Variants in COL4A1 observed in about 807,000 individuals in gnomAD.
The protein encoded by COL4A1 is collagen alpha-1(IV) chain.
Under a neutral mutation model 216.6 loss-of-function variants are expected in COL4A1, and 40 were observed. The observed-to-expected ratio is 0.18, with a 90% CI of 0.14 to 0.24. COL4A1 has a LOEUF of 0.24. Ranked by LOEUF, COL4A1 falls within the 10% of genes least tolerant of loss-of-function variation. COL4A1 has a pLI of 1.00. For missense variants in COL4A1, 1,628 were observed against 2,196.8 expected (o/e 0.74, Z 5.18); for synonymous variants, 839 against 810.7 (o/e 1.03, Z -0.59).
chr13:110,189,609 G>T (rs555589903), intron 24 of COL4A1, among the ~76,000 whole-genome samples: 1 of 152,308 alleles, frequency 6.6e-6, no homozygotes, highest in African/African-American at 2.4e-5. Flanking sequence ...ATTTCTATGA[G>T]CCACCTGCCA....
At chr13:110,157,210 C>T (rs138570538) in intron 49 of COL4A1, among the ~76,000 whole-genome samples, 1 of 152,334 alleles carries the variant, frequency 6.6e-6, no homozygotes, top group East Asian at 1.9e-4. Flanking sequence ...AACGAAAATG[C>T]AGTTCTCCTT....
chr13:110,185,511 C>T (rs1878360612), intron 26 of COL4A1, among the ~76,000 whole-genome samples: 1 of 152,172 alleles, frequency 6.6e-6, no homozygotes, highest in Non-Finnish European at 1.5e-5. Context: ...CACCTTAAGT[C>T]CTTTCACTCA....
Position 110,307,122 on chromosome 13 carries a change from C to A in COL4A1, c.-95G>T, listed in dbSNP as rs1028303780. ...GGAAGGCCGGACTTCCAGCGCTACG[C>A]ACCGTCCCGGGTGCGGCGGCTCCAA... On this transcript the variant is annotated 5_prime_UTR_variant, in exon 1 of 52. Transcript: ENST00000375820. This position sits in a 1 kb window ranked among gnomAD's most constrained non-coding sequence, Gnocchi z 5.0. 1.9e-6 allele frequency: 2 copies of A among 1,026,678 alleles called. No individual in the cohort carries two copies. The highest frequency in any genetic ancestry group is 1.7e-5 in the African/African-American group (1 of 59,316). 63.6% of individuals were successfully genotyped at this position (1,026,678 alleles called of 1,614,324 possible).
chr13:110,256,100 ATACC>A (rs528358048), intron 1 of COL4A1, among the ~76,000 whole-genome samples: 9 of 151,444 alleles, frequency 5.9e-5, no homozygotes, highest in East Asian at 3.9e-4. Flanking sequence ...CTATTAAATC[ATACC>A]TAACTGTTTT....
intron 25 of COL4A1, 74 bp from the exon 26 acceptor site, chr13:110,186,627 C>G: frequency 6.4e-7 from 1 of 1,565,110 alleles, no homozygotes; most frequent in Non-Finnish European, 8.7e-7. Flanking sequence ...ATTCTTCTGA[C>G]ATTTGTGGTC....
At chr13:110,189,142 C>A (rs949580034) in intron 24 of COL4A1, among the ~76,000 whole-genome samples, 24 of 152,250 alleles carry the variant, frequency 1.6e-4, no homozygotes, top group Admixed American at 3.9e-4. Flanking sequence ...CGGCTCACCG[C>A]AACCTCCGCC....
At position 110,161,203 on chromosome 13, in the gene COL4A1, T is replaced by A. The variant is rs1877067916; in HGVS notation, c.4629A>T (p.Pro1543=). ...GATGCTCGACTCACCTACTAATAAA[T>A]GGTCTTATGTTTTCCCCCGTGATGG... is the stretch of plus-strand genomic sequence containing the variant. ...MAPITGENIR[P]FISRCAVCEA... is the part of the protein sequence containing the mutation. The change falls in exon 49 of 52, where the codon CCA becomes CCT. Residue 1543 remains proline (P), a synonymous_variant. Coordinates refer to ENST00000375820, the MANE Select transcript of COL4A1 (RefSeq NM_001845.6). 1 of 1,614,218 alleles carries A rather than the reference T, an allele frequency of 6.2e-7. No individual in the cohort carries two copies. The highest frequency in any genetic ancestry group is 2.2e-5 in the East Asian group (1 of 44,890).
intron 27 of COL4A1, 35 bp from the exon 28 acceptor site, chr13:110,183,132 A>C (rs753546064): frequency 6.2e-7 from 1 of 1,612,270 alleles, no homozygotes; most frequent in Non-Finnish European, 8.5e-7. Context: ...AGCGTGAGAA[A>C]AACGTGAGGA....
At position 110,247,824 on chromosome 13, in the gene COL4A1, TGTGTGTGTGTGG is replaced by T. The variant is rs1235787838; in HGVS notation, c.85-5102_85-5091del. 5.7e-3 allele frequency among the ~76,000 whole-genome samples: 678 copies of T among 119,848 alleles called. 8 individuals carry two copies. The highest frequency in any genetic ancestry group is 0.014 in the South Asian group (46 of 3,222). The allele number at this position is 119,848 out of a possible 152,430, so 78.6% of individuals were successfully genotyped here. On this transcript the variant is annotated intron_variant, in intron 1 of 51. Transcript: ENST00000375820. Reference sequence around the variant, plus strand: ...GTGTGTGTGTGTGTGTGTGTGTGTGTGTGTGTGTGTGGCAGAGAGAGAGGGAGGGAGGGAGGG... The same window carrying T: ...GTGTGTGTGTGTGTGTGTGTGTGTGTCAGAGAGAGAGGGAGGGAGGGAGGG...
In COL4A1 at chr13:110,161,189, C is replaced by A. The variant is rs770167198; in HGVS notation, c.4640+3G>T. ...CATTTGTTCCTACAGATGCTCGACT[C>A]ACCTACTAATAAATGGTCTTATGTT... is the stretch of plus-strand genomic sequence containing the variant. On this transcript the variant is annotated splice_donor_region_variant and intron_variant, in intron 49 of 51. Coordinates refer to ENST00000375820, the MANE Select transcript of COL4A1 (RefSeq NM_001845.6). 2.6e-5 allele frequency: 42 copies of A among 1,614,008 alleles called. No homozygotes were observed. Among genetic ancestry groups the A allele is most frequent in the Non-Finnish European group, 3.2e-5 (38 of 1,179,986 alleles).
chr13:110,219,745 CATATGTGTATATAT>C (rs1415294160), intron 2 of COL4A1, among the ~76,000 whole-genome samples: 17 of 117,586 alleles, frequency 1.4e-4, no homozygotes, highest in Non-Finnish European at 1.1e-4. Context: ...TATGTATATA[CATATGTGTATATAT>C]GCGTATATAT....
chr13:110,214,986 C>T (rs532879578), intron 2 of COL4A1, among the ~76,000 whole-genome samples: 203 of 152,320 alleles, frequency 1.3e-3, no homozygotes, highest in African/African-American at 4.7e-3. Context: ...TTTATATGTA[C>T]TTAATGCCAA....
chr13:110,255,927 G>A (rs1326101886), intron 1 of COL4A1, among the ~76,000 whole-genome samples: 2 of 142,580 alleles, frequency 1.4e-5, no homozygotes, highest in African/African-American at 2.6e-5. Context: ...AAGGGAGGGG[G>A]AAGGAGGCAG....
intron 1 of COL4A1, among the ~76,000 whole-genome samples, chr13:110,301,630 G>C (rs561251089): frequency 6.6e-6 from 1 of 152,170 alleles, no homozygotes; most frequent in Non-Finnish European, 1.5e-5. Flanking sequence ...ACTCTGACTC[G>C]AGAGGGGATC....
At position 110,150,786 on chromosome 13, in the gene COL4A1, CT is replaced by C. The variant is rs1310816219; in HGVS notation, c.4929-343del. On this transcript the variant is annotated intron_variant, in intron 51 of 51. Transcript: ENST00000375820. ...CCTGCCTCCTCGTACTACAATTTCA[CT>C]TTTTTTCCATTCTCCTCCACTAGAT... 9.8e-5 allele frequency among the ~76,000 whole-genome samples: 15 copies of C among 152,312 alleles called. No homozygotes were observed. In the East Asian group the frequency reaches 1.9e-3, roughly 20 times the overall value.
intron 29 of COL4A1, 94 bp downstream of exon 29, chr13:110,181,198 A>G: frequency 1.6e-6 from 2 of 1,228,232 alleles, no homozygotes; most frequent in Non-Finnish European, 1.2e-6. Context: ...TGCTGGCCCA[A>G]CATGTCCTGG....
chr13:110,222,175 A>G (rs626680), intron 2 of COL4A1, among the ~76,000 whole-genome samples: 146,025 of 152,038 alleles, frequency 0.96, 70,408 homozygotes, highest in Middle Eastern at 1. Flanking sequence ...CGCTGCCTTC[A>G]TGTGAAACAG....
At chr13:110,214,240 G>A (rs755387826) in intron 2 of COL4A1, among the ~76,000 whole-genome samples, 13 of 152,052 alleles carry the variant, frequency 8.5e-5, no homozygotes, top group Admixed American at 3.3e-4. Context: ...ACAGGCGTGC[G>A]CCACCACGCT....
intron 33 of COL4A1, among the ~76,000 whole-genome samples, chr13:110,177,286 T>C (rs1877931386): frequency 6.6e-6 from 1 of 152,218 alleles, no homozygotes; most frequent in South Asian, 2.1e-4. Flanking sequence ...GACTTGGCTT[T>C]CAGGTTTAGA....
Sources: gnomAD v4.1 joint callset for allele counts (sites outside exome capture counted in the v4.1 genomes callset) on GRCh38, gnomAD v4.1.1 for gene constraint, Gnocchi (gnomAD v3.1) non-coding constraint, MANE v1.5 for transcripts, NCBI Gene and HGNC (gene_info 2026-07-23, HGNC 2026-07-21) for gene names.